Variants in CTTNBP2NL observed in about 807,000 individuals in gnomAD.
CTTNBP2NL encodes the protein CTTNBP2 N-terminal like.
In CTTNBP2NL, 16 loss-of-function variants were observed where a neutral mutation model predicts 32.5. That is an observed-to-expected ratio of 0.49 (90% CI 0.33 to 0.75). The LOEUF is 0.75. Ranked by LOEUF, CTTNBP2NL falls within the 30% of genes least tolerant of loss-of-function variation. The pLI is 0.02. For synonymous variants in CTTNBP2NL, 298 were observed against 289.4 expected, an observed-to-expected ratio of 1.03 and a Z score of -0.30; for missense variants, 645 against 756.0, an observed-to-expected ratio of 0.85 and a Z score of 1.72.
intron 3 of CTTNBP2NL, among the ~76,000 whole-genome samples, chr1:112,435,142 CAAAAAAAAAAA>C (rs5777114): frequency 2.3e-5 from 2 of 86,000 alleles, no homozygotes; most frequent in South Asian, 4.8e-4. Flanking sequence ...GACTCTGTCT[CAAAAAAAAAAA>C]AAAAAAAAAA....
chr1:112,450,532 A>G (rs771117810), intron 4 of CTTNBP2NL, among the ~76,000 whole-genome samples: 1 of 152,088 alleles, frequency 6.6e-6, no homozygotes, highest in African/African-American at 2.4e-5. Context: ...TCTTCACAAC[A>G]TTCTTGTTTA....
intron 3 of CTTNBP2NL, among the ~76,000 whole-genome samples, chr1:112,442,727 G>T (rs1649931771): frequency 6.6e-6 from 1 of 151,172 alleles, no homozygotes. Context: ...GTCTCGCTCT[G>T]TCGCCCAGGC....
At chr1:112,412,586 A>G (rs888320968) in intron 2 of CTTNBP2NL, among the ~76,000 whole-genome samples, 5 of 144,098 alleles carry the variant, frequency 3.5e-5, no homozygotes, top group Non-Finnish European at 6.1e-5. Flanking sequence ...GTGTTCATGT[A>G]GACACTAAGC....
chr1:112,436,024 C>T lies in CTTNBP2NL; in HGVS notation c.100-12918C>T, dbSNP rs1010423297. On this transcript the variant is annotated intron_variant, in intron 3 of 5. Coordinates refer to ENST00000271277, the MANE Select transcript of CTTNBP2NL (RefSeq NM_018704.3). ...TTCTCTATCTTTTAGAATGTATCGACTGATCCTCCATTTCTCCTGTGATTT... is the reference window on the plus strand; with the variant it reads ...TTCTCTATCTTTTAGAATGTATCGATTGATCCTCCATTTCTCCTGTGATTT... Among the ~76,000 whole-genome samples, 3 of 149,946 alleles carry T rather than the reference C, an allele frequency of 2.0e-5. No homozygotes were observed. The South Asian group carries it at 6.4e-4, about 32-fold the overall frequency.
intron 3 of CTTNBP2NL, among the ~76,000 whole-genome samples, chr1:112,420,804 C>T (rs1358506962): frequency 6.6e-6 from 1 of 152,086 alleles, no homozygotes; most frequent in Non-Finnish European, 1.5e-5. Context: ...TACATGGATT[C>T]CTGATTTTTC....
chr1:112,391,513 G>A (rs919334041), upstream of CTTNBP2NL, among the ~76,000 whole-genome samples: 1 of 152,132 alleles, frequency 6.6e-6, no homozygotes, highest in African/African-American at 2.4e-5. Flanking sequence ...GATCTCCCAG[G>A]TAGCTAATAC....
chr1:112,395,584 G>C (rs941773924), upstream of CTTNBP2NL, among the ~76,000 whole-genome samples: 3 of 152,238 alleles, frequency 2.0e-5, no homozygotes, highest in Non-Finnish European at 4.4e-5. Flanking sequence ...TTTGACTTCC[G>C]CCTGGAAGGC....
At chr1:112,416,336 A>G (rs1010417126) in intron 3 of CTTNBP2NL, 72 bp downstream of exon 3, 189 of 818,344 alleles carry the variant, frequency 2.3e-4, no homozygotes, top group Middle Eastern at 5.9e-4. Flanking sequence ...AATTTATTTA[A>G]CTAAGGTATT....
rs1310761530 is a variant in CTTNBP2NL at position 112,459,967 on chromosome 1, G to A, written c.*2555G>A. 1 of 152,152 alleles carries A rather than the reference G, an allele frequency of 6.6e-6. No individual in the cohort carries two copies. Among genetic ancestry groups the A allele is most frequent in the Admixed American group, 6.5e-5 (1 of 15,274 alleles). The allele number at this position is 152,152 out of a possible 1,614,324, so 9.4% of individuals were successfully genotyped here. On this transcript the variant is annotated 3_prime_UTR_variant, in exon 6 of 6. Transcript: ENST00000271277. ...TTCTGAGATAAATAAGCACAATCTT[G>A]CAATGGATCCAATAACCCAGTTAGG...
chr1:112,443,245 A>C (rs1649946496), intron 3 of CTTNBP2NL, among the ~76,000 whole-genome samples: 1 of 151,658 alleles, frequency 6.6e-6, no homozygotes, highest in African/African-American at 2.4e-5. Flanking sequence ...ACAGAGTCTC[A>C]CTCTATCACC....
At position 112,456,594 on chromosome 1, in the gene CTTNBP2NL, G is replaced by A. The variant is rs769826410; in HGVS notation, c.1102G>A (p.Val368Ile). 3 of 1,614,152 alleles carry A rather than the reference G, an allele frequency of 1.9e-6. No homozygotes were observed. Among genetic ancestry groups the A allele is most frequent in the South Asian group, 1.1e-5 (1 of 91,084 alleles). Residue 368 changes from valine to isoleucine, a missense_variant, in exon 6 of 6, where the codon GTA (valine) becomes ATA (isoleucine). By Grantham distance (29) the Val-to-Ile change is conservative. Transcript: ENST00000271277. ...TTRELTAGNN[V>I]ENQVPPREKS... ...CAGGGAGCTGACTGCAGGCAACAAT[G>A]TAGAAAACCAGGTGCCTCCACGGGA...
upstream of CTTNBP2NL, among the ~76,000 whole-genome samples, chr1:112,394,788 G>A (rs1420253782): frequency 6.6e-6 from 1 of 152,164 alleles, no homozygotes; most frequent in Non-Finnish European, 1.5e-5. Context: ...TATGGCATAA[G>A]TATGGAGTCA....
intron 3 of CTTNBP2NL, among the ~76,000 whole-genome samples, chr1:112,428,007 G>A (rs900920591): frequency 5.3e-5 from 8 of 151,804 alleles, no homozygotes; most frequent in Non-Finnish European, 8.8e-5. Flanking sequence ...TATGAAGAAC[G>A]TTTAATGACA....
intron 3 of CTTNBP2NL, among the ~76,000 whole-genome samples, chr1:112,425,332 G>A (rs906721960): frequency 6.6e-6 from 1 of 151,754 alleles, no homozygotes; most frequent in Non-Finnish European, 1.5e-5. Context: ...TTAGCCGGGC[G>A]AGGTGGCACA....
chr1:112,432,885 A>G (rs1024203525), intron 3 of CTTNBP2NL, among the ~76,000 whole-genome samples: 9 of 151,926 alleles, frequency 5.9e-5, no homozygotes, highest in South Asian at 2.1e-4. Flanking sequence ...TTTTGTTTCT[A>G]CTACTCTAAT....
intron 3 of CTTNBP2NL, among the ~76,000 whole-genome samples, chr1:112,418,786 T>C (rs1034035020): frequency 6.6e-6 from 1 of 152,146 alleles, no homozygotes. Context: ...AGGCTGTGAT[T>C]GCTTCAGAGG....
chr1:112,393,695 A>T (rs1403881944), upstream of CTTNBP2NL, among the ~76,000 whole-genome samples: 5 of 152,198 alleles, frequency 3.3e-5, no homozygotes, highest in Admixed American at 2.0e-4. Context: ...AAGCAATCTG[A>T]ACACCCTCAA....
intron 3 of CTTNBP2NL, among the ~76,000 whole-genome samples, chr1:112,442,673 C>T (rs538541868): frequency 3.2e-4 from 48 of 152,078 alleles, no homozygotes; most frequent in Non-Finnish European, 5.7e-4. Context: ...GAAACAGCTA[C>T]ATTATTCTGT....
upstream of CTTNBP2NL, among the ~76,000 whole-genome samples, chr1:112,391,244 A>G (rs534673798): frequency 6.6e-6 from 1 of 152,342 alleles, no homozygotes; most frequent in South Asian, 2.1e-4. Flanking sequence ...TCTGGCTTTC[A>G]GACTTTGACC....
Sources: gnomAD v4.1 joint callset for allele counts (sites outside exome capture counted in the v4.1 genomes callset) on GRCh38, gnomAD v4.1.1 for gene constraint, MANE v1.5 for transcripts, NCBI Gene and HGNC (gene_info 2026-07-23, HGNC 2026-07-21) for gene names.